PPP2R2C: variants seen among roughly 807,000 people sequenced by gnomAD.
PPP2R2C encodes the protein protein phosphatase 2, regulatory subunit B, gamma.
In PPP2R2C, 10 loss-of-function variants were observed where a neutral mutation model predicts 45.3. That is an observed-to-expected ratio of 0.22 (90% CI 0.14 to 0.37). The LOEUF is 0.37. Among genes scored for constraint, PPP2R2C ranks in the 10% least tolerant of loss-of-function variants. PPP2R2C has a pLI of 1.00. For synonymous variants in PPP2R2C, 257 were observed against 245.4 expected (o/e 1.05, Z -0.44); for missense variants, 308 against 619.7 (o/e 0.50, Z 5.34).
At chr4:6,421,639 C>G (rs1280115392) in intron 1 of PPP2R2C, among the ~76,000 whole-genome samples, 2 of 152,058 alleles carry the variant, frequency 1.3e-5, no homozygotes, top group Non-Finnish European at 2.9e-5. Flanking sequence ...CGAGGTGACT[C>G]CAGACGCGAG....
intron 4 of PPP2R2C, 44 bp downstream of exon 4, chr4:6,375,775 G>A: frequency 3.5e-6 from 5 of 1,447,736 alleles, no homozygotes; most frequent in Non-Finnish European, 4.8e-6. Context: ...ATCCTCAGGT[G>A]TAATAAAGAG....
intron 1 of PPP2R2C, among the ~76,000 whole-genome samples, chr4:6,440,401 C>A (rs1577184215): frequency 6.6e-6 from 1 of 152,226 alleles, no homozygotes; most frequent in Non-Finnish European, 1.5e-5. Context: ...AAACCAGAAA[C>A]AGGGAAACTC....
chr4:6,353,285 AC>A (rs1341896966), intron 5 of PPP2R2C, among the ~76,000 whole-genome samples: 3 of 61,188 alleles, frequency 4.9e-5, no homozygotes, highest in African/African-American at 7.0e-5. Context: ...CAGTCCCCCC[AC>A]ACCGACAGCC....
At chr4:6,524,286 A>G (rs776748690) in intron 2 of PPP2R2C, among the ~76,000 whole-genome samples, 8 of 152,156 alleles carry the variant, frequency 5.3e-5, no homozygotes, top group Admixed American at 2.6e-4. Flanking sequence ...CGGCCAAATG[A>G]AAGAAGCTGA....
At position 6,401,011 on chromosome 4, in the gene PPP2R2C, A is replaced by C. The variant is rs906242166; in HGVS notation, c.71-19917T>G. On this transcript the variant is annotated intron_variant, in intron 1 of 8. Coordinates refer to ENST00000382599, the MANE Select transcript of PPP2R2C (RefSeq NM_020416.4). ...GAGACGTTCCCACACACGTTGGTCA[A>C]GTGGCACGTGGCAGGACATGGAAAC... 9.9e-5 allele frequency among the ~76,000 whole-genome samples: 15 copies of C among 152,260 alleles called. 1 individual carries two copies. In the South Asian group the frequency reaches 2.9e-3, roughly 29 times the overall value.
chr4:6,479,790 A>G (rs1453482903), intron 2 of PPP2R2C, among the ~76,000 whole-genome samples: 1 of 151,282 alleles, frequency 6.6e-6, no homozygotes, highest in African/African-American at 2.4e-5. Context: ...ACTAAAATGT[A>G]TTATTACAAT....
intron 1 of PPP2R2C, among the ~76,000 whole-genome samples, chr4:6,399,244 T>C (rs746431184): frequency 1.3e-5 from 2 of 152,234 alleles, no homozygotes; most frequent in Non-Finnish European, 2.9e-5. Flanking sequence ...ATGGCATTTA[T>C]TGTACTTAGT....
rs1454231834 is a variant in PPP2R2C at position 6,330,832 on chromosome 4, G to A, written c.961-1479C>T. ...CACTGCACACAGGATGGTTAGACAA[G>A]GCTACCTGACTCCCGCCTGGGGCCC... is the stretch of plus-strand genomic sequence containing the variant. On this transcript the variant is annotated intron_variant, in intron 7 of 8. Coordinates refer to ENST00000382599, the MANE Select transcript of PPP2R2C (RefSeq NM_020416.4). The surrounding 1 kb of genome is among the most constrained non-coding windows in gnomAD (Gnocchi z 7.0). 5.3e-5 allele frequency among the ~76,000 whole-genome samples: 8 copies of A among 152,148 alleles called. No homozygotes were observed. Among genetic ancestry groups the A allele is most frequent in the Admixed American group, 5.2e-4 (8 of 15,270 alleles).
chr4:6,469,241 A>G (rs939852614), intron 1 of PPP2R2C, among the ~76,000 whole-genome samples: 1 of 151,928 alleles, frequency 6.6e-6, no homozygotes, highest in African/African-American at 2.4e-5. Flanking sequence ...GACATTGGAC[A>G]TGGGGCCCAA....
At position 6,512,518 on chromosome 4, in the gene PPP2R2C, G is replaced by T. The variant is rs1287096734; in HGVS notation, c.49+22753C>A. On this transcript the variant is annotated intron_variant, in intron 2 of 9. Coordinates refer to the PPP2R2C transcript ENST00000506140. ...GGTGGTGGTGGTGGTGATGTTGGTG[G>T]TGGTGGTGGTGATGGTGATGGTGGT... 1.8e-4 allele frequency among the ~76,000 whole-genome samples: 19 copies of T among 103,144 alleles called. No individual in the cohort carries two copies. The South Asian group carries it at 2.2e-3, about 12-fold the overall frequency. The allele number at this position is 103,144 out of a possible 152,430, so 67.7% of individuals were successfully genotyped here. A position where few individuals can be genotyped will look rare whatever the true frequency, so the allele number is the denominator to read the frequency against.
At chr4:6,340,266 G>T (rs1415040616) in intron 6 of PPP2R2C, among the ~76,000 whole-genome samples, 3 of 152,082 alleles carry the variant, frequency 2.0e-5, no homozygotes, top group East Asian at 1.9e-4. Context: ...CAGCCACACG[G>T]GTCCTGACGT....
At chr4:6,554,930 G>GGAAGGAAGGAAGGAAGGAAGGAAA (rs1305316211) in intron 1 of PPP2R2C, among the ~76,000 whole-genome samples, 1 of 116,190 alleles carries the variant, frequency 8.6e-6, no homozygotes, top group Non-Finnish European at 1.7e-5. Flanking sequence ...AAGGAAGGAA[G>GGAAGGAAGGAAGGAAGGAAGGAAA]GAAAGAAAGA....
At chr4:6,360,510 T>C (rs1377704672) in intron 5 of PPP2R2C, among the ~76,000 whole-genome samples, 13 of 152,036 alleles carry the variant, frequency 8.6e-5, no homozygotes, top group Non-Finnish European at 1.5e-5. Flanking sequence ...GAGGAAGCTG[T>C]CGCCATGGCA....
upstream of PPP2R2C, chr4:6,563,646 G>C (rs1725656486): frequency 6.6e-6 from 1 of 150,422 alleles, no homozygotes. This position sits in a 1 kb window ranked among gnomAD's most constrained non-coding sequence, Gnocchi z 5.8. Context: ...GGGCGCGGCG[G>C]GGGCGCGGTC....
At position 6,364,636 on chromosome 4, in the gene PPP2R2C, C is replaced by T. The variant is rs545415153; in HGVS notation, c.625+7887G>A. Reference sequence around the variant, plus strand: ...TCGTAGCACCCAGTCCTCAAGCAGCCGTATGGTGTCAGCAGGGGCTTTTCC... The same window carrying T: ...TCGTAGCACCCAGTCCTCAAGCAGCTGTATGGTGTCAGCAGGGGCTTTTCC... On this transcript the variant is annotated intron_variant, in intron 5 of 8. Coordinates refer to ENST00000382599, the MANE Select transcript of PPP2R2C (RefSeq NM_020416.4). This position sits in a 1 kb window ranked among gnomAD's most constrained non-coding sequence, Gnocchi z 5.3. Among the ~76,000 whole-genome samples, 168 of 152,252 alleles carry T rather than the reference C, an allele frequency of 1.1e-3. 2 individuals are homozygous for T. Among genetic ancestry groups the T allele is most frequent in the African/African-American group, 3.6e-3 (151 of 41,540 alleles).
intron 1 of PPP2R2C, among the ~76,000 whole-genome samples, chr4:6,468,309 T>C (rs995464557): frequency 1.3e-5 from 2 of 152,168 alleles, no homozygotes; most frequent in African/African-American, 4.8e-5. Context: ...CAGGACCCCA[T>C]GATGACCTTA....
rs1711736116 is a variant in PPP2R2C, at chr4:6,345,261, A to G, written c.790+2585T>C. ...TTCGGACCCAGACCTGGCTGTACAC[A>G]GGCACAGCTGGAGGCACATGTGGCC... On this transcript the variant is annotated intron_variant, in intron 6 of 8. Coordinates refer to ENST00000382599, the MANE Select transcript of PPP2R2C (RefSeq NM_020416.4). The surrounding 1 kb of genome is among the most constrained non-coding windows in gnomAD (Gnocchi z 5.3). 6.6e-6 allele frequency among the ~76,000 whole-genome samples: 1 copy of G among 152,134 alleles called. No homozygotes were observed. The highest frequency in any genetic ancestry group is 1.5e-5 in the Non-Finnish European group (1 of 68,036).
In PPP2R2C at chr4:6,526,872, G is replaced by A. The variant is rs566689842; in HGVS notation, c.49+8399C>T. Among the ~76,000 whole-genome samples the A allele has an allele frequency of 2.0e-4, 30 of 152,316 alleles. 1 individual carries two copies. The South Asian group carries it at 3.7e-3, about 19-fold the overall frequency. The stretch of plus-strand genomic sequence containing the variant: ...AGCCTCATTAAGTGCAATCAGGCCT[G>A]ATTCCCTGAGGAGGGGGACAGCCAT... On this transcript the variant is annotated intron_variant, in intron 2 of 9. Coordinates refer to the PPP2R2C transcript ENST00000506140.
chr4:6,513,823 C>T lies in PPP2R2C; in HGVS notation c.49+21448G>A, dbSNP rs1054784162. On this transcript the variant is annotated intron_variant, in intron 2 of 9. Coordinates refer to the PPP2R2C transcript ENST00000506140. Reference sequence around the variant, plus strand: ...CCCCCAGAGGCCCCCATCTCCTCCCCACTTGGCTCAGTTTTCTCCAGTGGG... The same window carrying T: ...CCCCCAGAGGCCCCCATCTCCTCCCTACTTGGCTCAGTTTTCTCCAGTGGG... Among the ~76,000 whole-genome samples, 4 of 152,346 alleles carry T rather than the reference C, an allele frequency of 2.6e-5. No individual in the cohort carries two copies. In the East Asian group the frequency reaches 5.8e-4, roughly 22 times the overall value.
Sources: gnomAD v4.1 joint callset for allele counts (sites outside exome capture counted in the v4.1 genomes callset) on GRCh38, gnomAD v4.1.1 for gene constraint, Gnocchi (gnomAD v3.1) non-coding constraint, MANE v1.5 for transcripts, NCBI Gene and HGNC (gene_info 2026-07-23, HGNC 2026-07-21) for gene names.